Variants in FAM110B observed in about 807,000 individuals in gnomAD.
FAM110B encodes the protein protein FAM110B.
A neutral mutation model predicts 20.4 loss-of-function variants in FAM110B; 6 were observed. The observed-to-expected ratio is 0.29, with a 90% CI of 0.16 to 0.58. The LOEUF (loss-of-function observed/expected upper bound fraction) is 0.58, where lower values mean the gene tolerates loss of function less well. FAM110B is among the 20% of genes least tolerant of loss of function. The pLI is 0.90. For missense variants in FAM110B, 434 were observed against 498.2 expected (o/e 0.87, Z 1.23); for synonymous variants, 226 against 214.1 (o/e 1.06, Z -0.49).
At chr8:58,106,958 T>G (rs533664651) in intron 3 of FAM110B, among the ~76,000 whole-genome samples, 1 of 152,328 alleles carries the variant, frequency 6.6e-6, no homozygotes, top group South Asian at 2.1e-4. Flanking sequence ...ACAAAAAGTT[T>G]TAAAAGGTCA....
chr8:58,012,662 C>T (rs541177294), intron 1 of FAM110B, among the ~76,000 whole-genome samples: 258 of 152,298 alleles, frequency 1.7e-3, no homozygotes, highest in African/African-American at 6.1e-3. Flanking sequence ...TGGCAGACAG[C>T]CCTTTCAGTC....
At chr8:58,048,141 A>C (rs1226713136) in intron 2 of FAM110B, among the ~76,000 whole-genome samples, 2 of 152,220 alleles carry the variant, frequency 1.3e-5, no homozygotes, top group African/African-American at 4.8e-5. Context: ...ATTGTTTGGC[A>C]AACAGCAGTC....
intron 1 of FAM110B, among the ~76,000 whole-genome samples, chr8:57,998,988 C>G (rs536446809): frequency 6.6e-6 from 1 of 152,072 alleles, no homozygotes; most frequent in Admixed American, 6.6e-5. Flanking sequence ...TTTTACAGTT[C>G]GTCTCATAAG....
chr8:58,059,274 C>T (rs990084844), intron 2 of FAM110B, among the ~76,000 whole-genome samples: 20 of 152,092 alleles, frequency 1.3e-4, no homozygotes, highest in African/African-American at 3.9e-4. Flanking sequence ...TGTGGACATA[C>T]GTTTTTATAG....
intron 1 of FAM110B, among the ~76,000 whole-genome samples, chr8:58,001,589 G>T (rs1032243509): frequency 6.6e-6 from 1 of 152,094 alleles, no homozygotes; most frequent in Non-Finnish European, 1.5e-5. Context: ...TTCATCCCTG[G>T]TTGTTATCTC....
At chr8:58,056,127 A>G (rs1233561413) in intron 2 of FAM110B, among the ~76,000 whole-genome samples, 1 of 152,238 alleles carries the variant, frequency 6.6e-6, no homozygotes, top group African/African-American at 2.4e-5. Flanking sequence ...GTTTCACTAC[A>G]GTGGTGGAGT....
intron 3 of FAM110B, among the ~76,000 whole-genome samples, chr8:58,109,388 CGA>C (rs1235564873): frequency 2.0e-5 from 3 of 152,060 alleles, no homozygotes; most frequent in African/African-American, 7.2e-5. Flanking sequence ...CTAGCCATCA[CGA>C]GAACCTGTGT....
chr8:58,017,945 G>C lies in FAM110B; in HGVS notation c.-511-13661G>C, dbSNP rs7017587. On this transcript the variant is annotated intron_variant, in intron 1 of 3. Coordinates refer to ENST00000519262, the MANE Select transcript of FAM110B (RefSeq NM_001377989.1). Reference sequence around the variant, plus strand: ...AAATTACTAAGAATTATTCAAAAGAGTGTTTTGTTGTTAAGGATTGCTCTG... The same window carrying C: ...AAATTACTAAGAATTATTCAAAAGACTGTTTTGTTGTTAAGGATTGCTCTG... Among the ~76,000 whole-genome samples the C allele has an allele frequency of 2.1e-3, 320 of 152,288 alleles. 3 individuals are homozygous for C. Among genetic ancestry groups the C allele is most frequent in the African/African-American group, 7.4e-3 (309 of 41,556 alleles).
chr8:58,009,532 A>T (rs1160734505), intron 1 of FAM110B, among the ~76,000 whole-genome samples: 1 of 152,268 alleles, frequency 6.6e-6, no homozygotes, highest in Admixed American at 6.5e-5. Flanking sequence ...AATAATTTTT[A>T]TATTAATTAC....
intron 3 of FAM110B, among the ~76,000 whole-genome samples, chr8:58,136,796 A>G (rs1803630281): frequency 6.6e-6 from 1 of 152,222 alleles, no homozygotes; most frequent in Non-Finnish European, 1.5e-5. Flanking sequence ...TGTCTTAAAT[A>G]GGACGAAAAC....
chr8:58,059,085 T>A (rs1805605965), intron 2 of FAM110B, among the ~76,000 whole-genome samples: 1 of 152,170 alleles, frequency 6.6e-6, no homozygotes, highest in South Asian at 2.1e-4. Flanking sequence ...TAGTAGGATG[T>A]CTTTGAGATT....
intron 2 of FAM110B, among the ~76,000 whole-genome samples, chr8:58,064,664 A>T (rs900466449): frequency 7.2e-5 from 11 of 152,132 alleles, no homozygotes; most frequent in African/African-American, 2.4e-4. Context: ...GAGAATTTAG[A>T]TGATGTTTAC....
chr8:58,093,545 A>G (rs1340701237), intron 3 of FAM110B, among the ~76,000 whole-genome samples: 1 of 152,174 alleles, frequency 6.6e-6, no homozygotes, highest in East Asian at 1.9e-4. Context: ...CTTGCCAAAA[A>G]TCAGATGGCT....
intron 3 of FAM110B, among the ~76,000 whole-genome samples, chr8:58,129,761 A>G (rs1803405186): frequency 6.6e-6 from 1 of 152,212 alleles, no homozygotes; most frequent in South Asian, 2.1e-4. Context: ...TCCAGTGCCC[A>G]CGGCTGATGA....
intron 3 of FAM110B, among the ~76,000 whole-genome samples, chr8:58,076,712 C>T (rs547100823): frequency 6.6e-6 from 1 of 152,272 alleles, no homozygotes; most frequent in African/African-American, 2.4e-5. Context: ...AATAAAGAAG[C>T]TCTCCAGTTA....
intron 1 of FAM110B, among the ~76,000 whole-genome samples, chr8:58,022,508 G>A (rs534780126): frequency 1.3e-5 from 2 of 152,062 alleles, no homozygotes; most frequent in Non-Finnish European, 2.9e-5. Context: ...CTTAAAAATG[G>A]TTAAGATGGT....
chr8:58,126,705 C>A (rs1807515930), intron 3 of FAM110B, among the ~76,000 whole-genome samples: 1 of 151,910 alleles, frequency 6.6e-6, no homozygotes, highest in African/African-American at 2.4e-5. Context: ...TTTTTATATG[C>A]CCTTTGTTGA....
chr8:58,083,479 GTTTA>G (rs1806253364), intron 3 of FAM110B, among the ~76,000 whole-genome samples: 1 of 152,186 alleles, frequency 6.6e-6, no homozygotes, highest in Non-Finnish European at 1.5e-5. Flanking sequence ...AGATTACATA[GTTTA>G]TTTATTCATT....
chr8:58,069,702 G>A (rs924736218), intron 2 of FAM110B, among the ~76,000 whole-genome samples: 2 of 152,198 alleles, frequency 1.3e-5, no homozygotes, highest in Non-Finnish European at 2.9e-5. Context: ...ATTGAAGAGA[G>A]ATTAATTAGC....
Sources: gnomAD v4.1 joint callset for allele counts (sites outside exome capture counted in the v4.1 genomes callset) on GRCh38, gnomAD v4.1.1 for gene constraint, MANE v1.5 for transcripts, NCBI Gene and HGNC (gene_info 2026-07-23, HGNC 2026-07-21) for gene names.